Variants in CPSF1 observed in about 807,000 individuals in gnomAD.
The protein encoded by CPSF1 is cleavage and polyadenylation specific factor 1.
CPSF1 carries 106 observed loss-of-function variants against 175.8 expected under a neutral mutation model. That is an observed-to-expected ratio of 0.60 (90% confidence interval 0.52 to 0.71). The LOEUF is 0.71. Ranked by LOEUF, CPSF1 falls within the 30% of genes least tolerant of loss-of-function variation. CPSF1 has a pLI of 0.00. For missense variants in CPSF1, 1,734 were observed against 2,022.9 expected, an observed-to-expected ratio of 0.86 and a Z score of 2.74; for synonymous variants, 1,024 against 858.3, an observed-to-expected ratio of 1.19 and a Z score of -3.37.
intron 2 of CPSF1, among the ~76,000 whole-genome samples, chr8:144,408,395 G>A (rs1173380674): frequency 6.6e-6 from 1 of 152,152 alleles, no homozygotes. Flanking sequence ...TCCTGGACCA[G>A]CTTTCAACCC....
Position 144,396,825 on chromosome 8 carries a change from TC to T in CPSF1, c.2682+14del. On this transcript the variant is annotated intron_variant, in intron 24 of 37. Coordinates refer to ENST00000616140, the MANE Select transcript of CPSF1 (RefSeq NM_013291.3). Reference sequence around the variant, plus strand: ...CCACACCCACCCCACGCCCCAGCAGTCCAGCCACTGGCACCTTCTTAAAGCG... The same window carrying T: ...CCACACCCACCCCACGCCCCAGCAGTCAGCCACTGGCACCTTCTTAAAGCG... 1 of 1,612,600 alleles carries T rather than the reference TC, an allele frequency of 6.2e-7. No individual in the cohort carries two copies. The highest frequency in any genetic ancestry group is 1.1e-5 in the South Asian group (1 of 91,062).
chr8:144,397,684 G>A (rs1820855962), intron 21 of CPSF1, 23 bp from the exon 22 acceptor site: 1 of 1,559,424 alleles, frequency 6.4e-7, no homozygotes, highest in South Asian at 1.2e-5. Flanking sequence ...AGAAGGTCAT[G>A]GGCGGCCTGC....
chr8:144,401,488 C>G lies in CPSF1; in HGVS notation c.248G>C (p.Ser83Thr), dbSNP rs2116884835. The G allele has an allele frequency of 1.2e-6, 2 of 1,614,058 alleles. No homozygotes were observed. The highest frequency in any genetic ancestry group is 1.7e-4 in the Middle Eastern group (1 of 6,060). ...SFFGNVMSMA[S>T]VQLAGAKRDA... ...CCGCTTGGCTCCTGCCAGCTGCACG[C>G]TGGCCATGGACATGACGTTGCCAAA... The change falls in exon 4 of 38, where the codon AGC becomes ACC. Residue 83 changes from serine to threonine, a missense_variant. Around this residue, in one of 10 missense-constraint regions of CPSF1, gnomAD observed 126 missense variants for 117.9 expected, o/e 1.07. Transcript: ENST00000616140.
At position 144,399,113 on chromosome 8, in the gene CPSF1, C is replaced by A; in HGVS notation, c.1467+15G>T. ...TCCAGCCCCTGCCCCCAGCCCCGAC[C>A]CCAACCCTGGGCACCTCTTCAGAGA... On this transcript the variant is annotated intron_variant, in intron 15 of 37. Coordinates refer to ENST00000616140, the MANE Select transcript of CPSF1 (RefSeq NM_013291.3). This position sits in a 1 kb window ranked among gnomAD's most constrained non-coding sequence, Gnocchi z 6.4. 6.4e-7 allele frequency: 1 copy of A among 1,554,412 alleles called. No homozygotes were observed. The highest frequency in any genetic ancestry group is 2.4e-5 in the East Asian group (1 of 41,446).
chr8:144,396,794 C>T (rs782656611), intron 24 of CPSF1, 46 bp downstream of exon 24: 28 of 1,613,634 alleles, frequency 1.7e-5, no homozygotes, highest in South Asian at 1.3e-4. Flanking sequence ...AAACCCACAC[C>T]TTGTACCACA....
At chr8:144,406,889 C>A (rs1381348934) in intron 2 of CPSF1, among the ~76,000 whole-genome samples, 3 of 152,158 alleles carry the variant, frequency 2.0e-5, no homozygotes, top group Non-Finnish European at 4.4e-5. Flanking sequence ...ATATGACCAG[C>A]AGAATATGAC....
chr8:144,400,135 G>GCCCCCCCCCCCCCCCCCCCCCCCCCCAC, intron 9 of CPSF1, 31 bp downstream of exon 9: 1 of 896,012 alleles, frequency 1.1e-6, no homozygotes, highest in Non-Finnish European at 1.6e-6. Context: ...CCGTCCCCGG[G>GCCCCCCCCCCCCCCCCCCCCCCCCCCAC]CCCCCCCCGC....
In CPSF1 at chr8:144,397,991, TGGC is replaced by T. The variant is rs1820881423; in HGVS notation, c.2033_2035del (p.Arg678del). On this transcript the variant is annotated inframe_deletion, in exon 20 of 38. Transcript: ENST00000616140. Reference sequence around the variant, plus strand: ...GGGCTTGTGCAGCGCCAGGCGGTGGTGGCGGCCACCGTAGGAGTCACTCTTCAG... The same window carrying T: ...GGGCTTGTGCAGCGCCAGGCGGTGGTGGCCACCGTAGGAGTCACTCTTCAG... 5 of 1,610,718 alleles carry T rather than the reference TGGC, an allele frequency of 3.1e-6. No homozygotes were observed. Among genetic ancestry groups the T allele is most frequent in the Non-Finnish European group, 4.2e-6 (5 of 1,179,408 alleles).
Position 144,394,957 on chromosome 8 carries a change from G to A in CPSF1, c.3339C>T (p.Thr1113=), listed in dbSNP as rs147864352. 3.8e-5 allele frequency: 62 copies of A among 1,612,862 alleles called. No homozygotes were observed. The highest frequency in any genetic ancestry group is 1.3e-4 in the East Asian group (6 of 44,898). The part of the protein sequence containing the change: ...MKTVSLRSEE[T]VSGLKGYVAA... ...CCACGTAGCCTTTGAGGCCCGACACGGTCTCCTCACTGCGCAGAGACACTG... is the reference window on the plus strand; with the variant it reads ...CCACGTAGCCTTTGAGGCCCGACACAGTCTCCTCACTGCGCAGAGACACTG... The change falls in exon 30 of 38, where the codon ACC becomes ACT. Residue 1113 remains threonine (T), a synonymous_variant. Transcript: ENST00000616140.
Position 144,398,988 on chromosome 8 carries a change from G to C in CPSF1, c.1518C>G (p.His506Gln). Residue 506 changes from histidine to glutamine, a missense_variant, in exon 16 of 38, where the codon CAC becomes CAG. By Grantham distance (24) the His-to-Gln change is conservative (BLOSUM62 0). Transcript: ENST00000616140. The part of the protein sequence containing the change: ...PDLEIVVCSG[H>Q]GKNGALSVLQ... ...GCACCGACAAAGCCCCGTTCTTCCC[G>C]TGGCCGGAGCAAACCACAATCTCCA... The C allele has an allele frequency of 1.9e-6, 3 of 1,612,364 alleles. No individual in the cohort carries two copies. The highest frequency in any genetic ancestry group is 2.5e-6 in the Non-Finnish European group (3 of 1,179,774).
chr8:144,400,858 G>A, intron 6 of CPSF1, 41 bp from the exon 7 acceptor site: 1 of 1,609,184 alleles, frequency 6.2e-7, no homozygotes, highest in East Asian at 2.2e-5. Context: ...AGGGGAGGCG[G>A]GGAGGGGAGC....
In CPSF1 at chr8:144,399,232, T is replaced by TGGGGGCGCTGGCTGGGAC; in HGVS notation, c.1392+26_1393-31dup. Reference sequence around the variant, plus strand: ...GGCACAGCAAGAGTCAGGGGCCCGCTGGGGGCGCTGGCTGGGACGGGGGCC... The same window carrying TGGGGGCGCTGGCTGGGAC: ...GGCACAGCAAGAGTCAGGGGCCCGCTGGGGGCGCTGGCTGGGACGGGGGCGCTGGCTGGGACGGGGGCC... On this transcript the variant is annotated intron_variant, in intron 14 of 37. Transcript: ENST00000616140. The surrounding 1 kb of genome is among the most constrained non-coding windows in gnomAD (Gnocchi z 6.4). 1.2e-6 allele frequency: 2 copies of TGGGGGCGCTGGCTGGGAC among 1,611,834 alleles called. No individual in the cohort carries two copies. The highest frequency in any genetic ancestry group is 1.7e-6 in the Non-Finnish European group (2 of 1,179,644).
Position 144,394,800 on chromosome 8 carries a change from G to A in CPSF1, c.3415-4C>T, listed in dbSNP as rs769047548. ...CAATCACATCCATGATCAAGATCTG[G>A]AGGGCATGGGTATGGCTGTGGGATG... On this transcript the variant is annotated splice_region_variant and splice_polypyrimidine_tract_variant and intron_variant, in intron 30 of 37. Coordinates refer to ENST00000616140, the MANE Select transcript of CPSF1 (RefSeq NM_013291.3). The A allele has an allele frequency of 1.5e-5, 25 of 1,613,422 alleles. No individual in the cohort carries two copies. Among genetic ancestry groups the A allele is most frequent in the Non-Finnish European group, 2.1e-5 (25 of 1,179,936 alleles).
In CPSF1 at chr8:144,398,652, A is replaced by G. The variant is rs2116853201; in HGVS notation, c.1639-14T>C. On this transcript the variant is annotated splice_polypyrimidine_tract_variant and intron_variant, in intron 17 of 37. Coordinates refer to ENST00000616140, the MANE Select transcript of CPSF1 (RefSeq NM_013291.3). ...GGGATTGTCCTCCTGTCAGGGCCAAAGGGGGGCAGGCTGGAAGCCACAGTC... is the reference window on the plus strand; with the variant it reads ...GGGATTGTCCTCCTGTCAGGGCCAAGGGGGGGCAGGCTGGAAGCCACAGTC... The G allele has an allele frequency of 2.5e-6, 4 of 1,613,092 alleles. No homozygotes were observed. The highest frequency in any genetic ancestry group is 3.4e-6 in the Non-Finnish European group (4 of 1,179,508).
In CPSF1 at chr8:144,397,573, G is replaced by GGCT; in HGVS notation, c.2296_2298dup (p.Ser766dup). On this transcript the variant is annotated inframe_insertion, in exon 22 of 38. Coordinates refer to ENST00000616140, the MANE Select transcript of CPSF1 (RefSeq NM_013291.3). ...GCAGGGTCCCGGTCAGCAGGGGGCTGGCTGCTTCTTCGGGCCTCCTCCTTG... is the reference window on the plus strand; with the variant it reads ...GCAGGGTCCCGGTCAGCAGGGGGCTGGCTGCTGCTTCTTCGGGCCTCCTCCTTG... 1 of 1,544,580 alleles carries GGCT rather than the reference G, an allele frequency of 6.5e-7. No homozygotes were observed. Among genetic ancestry groups the GGCT allele is most frequent in the South Asian group, 1.2e-5 (1 of 80,908 alleles).
chr8:144,404,150 G>A (rs1005232694), intron 2 of CPSF1, among the ~76,000 whole-genome samples: 3 of 151,812 alleles, frequency 2.0e-5, no homozygotes, highest in Non-Finnish European at 4.4e-5. Flanking sequence ...TTGAATCCGG[G>A]AGGCGGAGGT....
intron 26 of CPSF1, 40 bp from the exon 27 acceptor site, chr8:144,395,591 C>A: frequency 6.6e-7 from 1 of 1,510,604 alleles, no homozygotes; most frequent in Non-Finnish European, 9.1e-7. Context: ...CCAGGGCTAG[C>A]CAAGGGCAGG....
In CPSF1 at chr8:144,401,264, T is replaced by G; in HGVS notation, c.334A>C (p.Thr112Pro). The G allele has an allele frequency of 6.4e-7, 1 of 1,553,568 alleles. No homozygotes were observed. The highest frequency in any genetic ancestry group is 8.7e-7 in the Non-Finnish European group (1 of 1,148,606). ...KLSVVEYDPG[T>P]HDLKTLSLHY... ...AGTGACAGGGTCTTCAGGTCATGGG[T>G]GCCCGGGTCGTACTCCACCACAGAC... is the stretch of plus-strand genomic sequence containing the variant. The change falls in exon 5 of 38, where the codon ACC (threonine) becomes CCC (proline). Residue 112 changes from threonine (T) to proline (P), a missense_variant. Thr to Pro is a conservative substitution (Grantham distance 38). This residue lies in a region of CPSF1 where 122 missense variants were observed against 177.2 expected (regional missense o/e 0.69). Transcript: ENST00000616140.
chr8:144,401,362 C>G (rs1821199065), intron 4 of CPSF1, 68 bp downstream of exon 4: 2 of 1,611,406 alleles, frequency 1.2e-6, no homozygotes, highest in Admixed American at 1.7e-5. Context: ...CAACCAACGG[C>G]TGTACCCAGG....
Sources: gnomAD v4.1 joint callset for allele counts (sites outside exome capture counted in the v4.1 genomes callset) on GRCh38, gnomAD v4.1.1 for gene constraint, gnomAD v4.1.1 regional missense constraint, Gnocchi (gnomAD v3.1) non-coding constraint, MANE v1.5 for transcripts, NCBI Gene and HGNC (gene_info 2026-07-23, HGNC 2026-07-21) for gene names.